The following CNTN4 variants were observed in gnomAD, a reference collection of about 807,000 sequenced individuals.
CNTN4 encodes the protein contactin 4.
A neutral mutation model predicts 122.5 loss-of-function variants in CNTN4; 77 were observed. The ratio of observed to expected loss-of-function variants is 0.63; its 90% confidence interval spans 0.52 to 0.76. The LOEUF (loss-of-function observed/expected upper bound fraction) is 0.76. Ranked by LOEUF, CNTN4 falls within the 30% of genes least tolerant of loss-of-function variation. The pLI, the probability that CNTN4 is intolerant of heterozygous loss-of-function variation, is 0.00. For missense variants in CNTN4, 1,256 were observed against 1,259.1 expected, an observed-to-expected ratio of 1.00 and a Z score of 0.04; for synonymous variants, 512 against 447.0, an observed-to-expected ratio of 1.15 and a Z score of -1.83.
At chr3:2,260,265 G>C (rs1408604138) in intron 2 of CNTN4, among the ~76,000 whole-genome samples, 1 of 152,070 alleles carries the variant, frequency 6.6e-6, no homozygotes, top group African/African-American at 2.4e-5. Flanking sequence ...CGCATTATAG[G>C]AAGTTCAGCA....
intron 2 of CNTN4, chr3:2,132,460 A>G (rs2034497695): frequency 6.6e-6 from 1 of 152,194 alleles, no homozygotes; most frequent in African/African-American, 2.4e-5. Context: ...GCTGTGAAGA[A>G]GAGAGATAAT....
Position 2,674,369 on chromosome 3 carries a change from T to C in CNTN4, c.56-61846T>C, listed in dbSNP as rs983556632. Among the ~76,000 whole-genome samples the C allele has an allele frequency of 2.6e-5, 4 of 152,170 alleles. No individual in the cohort carries two copies. The South Asian group carries it at 8.3e-4, about 31-fold the overall frequency. ...ATAATGTACAATGATCAAATCAGGG[T>C]AATTAGCATCTCCATCAGCTCAAAC... On this transcript the variant is annotated intron_variant, in intron 4 of 24. Coordinates refer to ENST00000418658, the MANE Select transcript of CNTN4 (RefSeq NM_175607.3).
Position 2,631,865 on chromosome 3 carries a change from C to CAAAAAAAAAAAAAAAAA in CNTN4, c.55+60320_55+60321insAAAAAAAAAAAAAAAAA, listed in dbSNP as rs1157671569. ...GCAACATAGGGAGACCGTATCTCTA[C>CAAAAAAAAAAAAAAAAA]AAAAAAAAAAAAACAAAAAAAAACA... is the stretch of plus-strand genomic sequence containing the variant. On this transcript the variant is annotated intron_variant, in intron 4 of 24. Coordinates refer to ENST00000418658, the MANE Select transcript of CNTN4 (RefSeq NM_175607.3). Among the ~76,000 whole-genome samples, 17 of 70,162 alleles carry CAAAAAAAAAAAAAAAAA rather than the reference C, an allele frequency of 2.4e-4. 1 individual carries two copies. The highest frequency in any genetic ancestry group is 3.7e-4 in the Non-Finnish European group (13 of 34,974). 46.0% of individuals were successfully genotyped at this position (70,162 alleles called of 152,430 possible). A position where few individuals can be genotyped will look rare whatever the true frequency, so the allele number is the denominator to read the frequency against.
chr3:2,804,816 G>A (rs1159028919), intron 6 of CNTN4, among the ~76,000 whole-genome samples: 2 of 150,996 alleles, frequency 1.3e-5, no homozygotes, highest in East Asian at 4.1e-4. Context: ...TCCTGCCTCA[G>A]CCTCCAAAGT....
chr3:2,981,488 C>G (rs1559749232), intron 13 of CNTN4, among the ~76,000 whole-genome samples: 1 of 151,764 alleles, frequency 6.6e-6, no homozygotes, highest in Non-Finnish European at 1.5e-5. Context: ...CCCGTACCCT[C>G]ACTATCTGCC....
intron 2 of CNTN4, among the ~76,000 whole-genome samples, chr3:2,103,146 C>G (rs1037587875): frequency 6.6e-6 from 1 of 151,336 alleles, no homozygotes; most frequent in African/African-American, 2.4e-5. Context: ...GGATCTGAAC[C>G]AGGTTCTCTC....
At chr3:2,672,336 G>T (rs531548156) in intron 4 of CNTN4, among the ~76,000 whole-genome samples, 1 of 152,228 alleles carries the variant, frequency 6.6e-6, no homozygotes, top group African/African-American at 2.4e-5. Context: ...CCCCAGCCTC[G>T]CTGCTGCCTT....
chr3:2,292,866 A>T (rs571098934), intron 2 of CNTN4, among the ~76,000 whole-genome samples: 1 of 152,336 alleles, frequency 6.6e-6, no homozygotes, highest in Admixed American at 6.5e-5. Flanking sequence ...AACAGTTATG[A>T]ATATCTGCTG....
chr3:2,879,233 G>C (rs2093879911), intron 8 of CNTN4, among the ~76,000 whole-genome samples: 1 of 152,184 alleles, frequency 6.6e-6, no homozygotes, highest in Admixed American at 6.5e-5. Flanking sequence ...AACCGAGGCA[G>C]AGATGGACTG....
intron 4 of CNTN4, among the ~76,000 whole-genome samples, chr3:2,702,194 G>A (rs935257210): frequency 1.2e-4 from 19 of 152,274 alleles, no homozygotes; most frequent in Non-Finnish European, 2.4e-4. Context: ...GTTTGTTAGG[G>A]GAGAGCTAGG....
intron 2 of CNTN4, among the ~76,000 whole-genome samples, chr3:2,277,830 G>T (rs1157492613): frequency 6.6e-6 from 1 of 152,154 alleles, no homozygotes; most frequent in East Asian, 1.9e-4. Context: ...AGCAAGTTCA[G>T]CACAATGCTA....
In CNTN4 at chr3:2,849,003, G is replaced by A. The variant is rs141748567; in HGVS notation, c.455-17749G>A. Reference sequence around the variant, plus strand: ...AGGTTACCAAGTCAGGAGAAGCTAGGCACCCAAAACAAATGATGTCTACTT... The same window carrying A: ...AGGTTACCAAGTCAGGAGAAGCTAGACACCCAAAACAAATGATGTCTACTT... On this transcript the variant is annotated intron_variant, in intron 7 of 24. Coordinates refer to ENST00000418658, the MANE Select transcript of CNTN4 (RefSeq NM_175607.3). Among the ~76,000 whole-genome samples the A allele has an allele frequency of 2.2e-3, 342 of 152,292 alleles. 1 individual carries two copies. The highest frequency in any genetic ancestry group is 2.0e-3 in the Non-Finnish European group (138 of 68,022).
chr3:2,665,449 C>A (rs1011945449), intron 4 of CNTN4, among the ~76,000 whole-genome samples: 4 of 152,138 alleles, frequency 2.6e-5, no homozygotes, highest in Non-Finnish European at 5.9e-5. Context: ...AACTTGATCA[C>A]CTATAGCAAT....
At chr3:2,101,618 A>G (rs1484943917) in intron 2 of CNTN4, among the ~76,000 whole-genome samples, 4 of 152,140 alleles carry the variant, frequency 2.6e-5, no homozygotes, top group Non-Finnish European at 4.4e-5. Context: ...GAAGGAGGCA[A>G]GGAGGCAGGA....
intron 7 of CNTN4, among the ~76,000 whole-genome samples, chr3:2,840,544 C>CA (rs11424573): frequency 0.18 from 3,064 of 16,730 alleles, 991 homozygotes; most frequent in Non-Finnish European, 0.44. Flanking sequence ...ACTAAAAATA[C>CA]AAAAATTAGC....
At chr3:2,656,157 A>G (rs1381666876) in intron 4 of CNTN4, among the ~76,000 whole-genome samples, 1 of 152,238 alleles carries the variant, frequency 6.6e-6, no homozygotes, top group African/African-American at 2.4e-5. Context: ...GAGAATAATT[A>G]TAAGTCAAAG....
intron 3 of CNTN4, among the ~76,000 whole-genome samples, chr3:2,491,229 AC>A (rs2076308353): frequency 6.6e-6 from 1 of 152,094 alleles, no homozygotes; most frequent in African/African-American, 2.4e-5. Flanking sequence ...GAACAAATTC[AC>A]CCCCAAATGT....
At chr3:2,527,379 G>C (rs1315472695) in intron 3 of CNTN4, among the ~76,000 whole-genome samples, 3 of 152,118 alleles carry the variant, frequency 2.0e-5, no homozygotes, top group African/African-American at 7.2e-5. Flanking sequence ...TTACTCTTGA[G>C]GACTGGCACA....
intron 7 of CNTN4, among the ~76,000 whole-genome samples, chr3:2,822,975 T>C (rs959478676): frequency 6.6e-6 from 1 of 152,176 alleles, no homozygotes; most frequent in Non-Finnish European, 1.5e-5. Flanking sequence ...GGCTAAGAAA[T>C]TTTTGAGAAA....
Sources: gnomAD v4.1 joint callset for allele counts (sites outside exome capture counted in the v4.1 genomes callset) on GRCh38, gnomAD v4.1.1 for gene constraint, MANE v1.5 for transcripts, NCBI Gene and HGNC (gene_info 2026-07-23, HGNC 2026-07-21) for gene names.